VWF: variants seen among roughly 807,000 people sequenced by gnomAD.
The protein encoded by VWF is Factor VIII related antigen.
Under a neutral mutation model 308.6 loss-of-function variants are expected in VWF, and 176 were observed. The observed-to-expected ratio is 0.57, with a 90% CI of 0.50 to 0.65. VWF has a LOEUF of 0.65. Ranked by LOEUF, VWF falls within the 30% of genes least tolerant of loss-of-function variation. The pLI is 0.00. For missense variants in VWF, 3,146 were observed against 3,648.2 expected (o/e 0.86, Z 3.55); for synonymous variants, 1,385 against 1,443.4 (o/e 0.96, Z 0.92).
chr12:6,046,859 C>A lies in VWF; in HGVS notation c.2187-42G>T, dbSNP rs1307499811. ...CATAGCCGAGCTTCACGAGACTCGT[C>A]TATACTCGCTGCCTCCACATCTTCA... is the stretch of plus-strand genomic sequence containing the variant. On this transcript the variant is annotated intron_variant, in intron 16 of 51. Transcript: ENST00000261405. The surrounding 1 kb of genome is among the most constrained non-coding windows in gnomAD (Gnocchi z 5.0). The A allele has an allele frequency of 1.9e-6, 3 of 1,576,694 alleles. No homozygotes were observed. The highest frequency in any genetic ancestry group is 1.7e-5 in the Admixed American group (1 of 59,336).
rs1234864384 is a variant in VWF at position 5,983,142 on chromosome 12, G to T, written c.7081+8C>A. The T allele has an allele frequency of 6.2e-7, 1 of 1,612,876 alleles. No homozygotes were observed. The highest frequency in any genetic ancestry group is 1.7e-5 in the Admixed American group (1 of 59,896). ...CACACCACCCCTCCTCATCCACAGA[G>T]GCCTTACCGCAGGTGAAGTTGGGTC... On this transcript the variant is annotated splice_region_variant and intron_variant, in intron 41 of 51. Transcript: ENST00000261405.
At chr12:6,053,606 G>A (rs1944543758) in intron 15 of VWF, among the ~76,000 whole-genome samples, 1 of 152,156 alleles carries the variant, frequency 6.6e-6, no homozygotes, top group African/African-American at 2.4e-5. Flanking sequence ...GTAGCAAAGT[G>A]GCAACGCAGC....
intron 47 of VWF, among the ~76,000 whole-genome samples, chr12:5,964,250 G>GCATACATACATACATGCATA (rs1943365318): frequency 8.2e-6 from 1 of 122,350 alleles, no homozygotes; most frequent in African/African-American, 3.7e-5. Flanking sequence ...ATACATACAT[G>GCATACATACATACATGCATA]CATACATACA....
chr12:6,122,532 T>C (rs1183875750), intron 2 of VWF, among the ~76,000 whole-genome samples: 1 of 152,050 alleles, frequency 6.6e-6, no homozygotes, highest in Admixed American at 6.6e-5. Context: ...GTGTGACAAA[T>C]GTGTATTTTT....
At chr12:5,986,263 C>T (rs1027867270) in intron 38 of VWF, among the ~76,000 whole-genome samples, 6 of 152,120 alleles carry the variant, frequency 3.9e-5, no homozygotes, top group Non-Finnish European at 5.9e-5. Context: ...GGCTGCATTC[C>T]GCTGTGCCTC....
intron 6 of VWF, among the ~76,000 whole-genome samples, chr12:6,081,676 T>G (rs1297014674): frequency 6.6e-6 from 1 of 152,160 alleles, no homozygotes; most frequent in African/African-American, 2.4e-5. Context: ...AGGGATCGCC[T>G]AGGACTCCCA....
In VWF at chr12:5,996,052, T is replaced by G. The variant is rs758292026; in HGVS notation, c.6013A>C (p.Ile2005Leu). Residue 2005 changes from isoleucine (I) to leucine (L), a missense_variant, in exon 35 of 52, where the codon ATC becomes CTC. By Grantham distance (5) the Ile-to-Leu change is conservative. Coordinates refer to ENST00000261405, the MANE Select transcript of VWF (RefSeq NM_000552.5). ...PGARQGCMKS[I>L]EVKHSALSVE... ...GAGAGGGCACTGTGCTTCACCTCGATGGATTTCATGCAGCCCTGCCTTGCT... is the reference window on the plus strand; with the variant it reads ...GAGAGGGCACTGTGCTTCACCTCGAGGGATTTCATGCAGCCCTGCCTTGCT... 6.2e-7 allele frequency: 1 copy of G among 1,613,734 alleles called. No individual in the cohort carries two copies. Among genetic ancestry groups the G allele is most frequent in the Non-Finnish European group, 8.5e-7 (1 of 1,180,024 alleles).
At chr12:6,111,047 C>T (rs1204763947) in intron 3 of VWF, 79 bp from the exon 4 acceptor site, 17 of 1,343,136 alleles carry the variant, frequency 1.3e-5, no homozygotes, top group Admixed American at 8.6e-5. Flanking sequence ...TCATTATCTA[C>T]GTAACCTTTT....
chr12:6,103,470 A>ATGTGTGTGTATATACACATATG (rs141379577), intron 5 of VWF, among the ~76,000 whole-genome samples: 2 of 122,868 alleles, frequency 1.6e-5, no homozygotes, highest in African/African-American at 4.7e-5. Flanking sequence ...ATATACACAT[A>ATGTGTGTGTATATACACATATG]TGTGTGTATA....
In VWF at chr12:5,969,362, G is replaced by T. The variant is rs779932835; in HGVS notation, c.7578C>A (p.Asn2526Lys). 2 of 1,614,118 alleles carry T rather than the reference G, an allele frequency of 1.2e-6. No individual in the cohort carries two copies. The highest frequency in any genetic ancestry group is 1.3e-5 in the African/African-American group (1 of 74,950). The change falls in exon 45 of 52, where the codon AAC becomes AAA. Residue 2526 changes from asparagine to lysine, a missense_variant. Physicochemically the swap from Asn to Lys is moderately conservative, Grantham distance 94. Around this residue, in one of 3 missense-constraint regions of VWF, gnomAD observed 989 missense variants for 1,117.4 expected, o/e 0.89. Transcript: ENST00000261405. ...GGACACACTCATTGATGAGGCAGGG[G>T]TTCTCCGGGGAGGCCCACTGGGAGC... ...SVGSQWASPE[N>K]PCLINECVRV...
chr12:5,997,075 T>G (rs1478577360), intron 34 of VWF, among the ~76,000 whole-genome samples: 1 of 151,984 alleles, frequency 6.6e-6, no homozygotes, highest in African/African-American at 2.4e-5. Context: ...CCCACTAACA[T>G]CCCTCACTCA....
chr12:6,032,567 G>C (rs1944279463), intron 20 of VWF, among the ~76,000 whole-genome samples: 1 of 151,672 alleles, frequency 6.6e-6, no homozygotes, highest in Non-Finnish European at 1.5e-5. Context: ...GAATCGAGGA[G>C]GCGGAGCTTG....
At chr12:6,034,635 C>G in intron 20 of VWF, 53 bp downstream of exon 20, 1 of 1,612,458 alleles carries the variant, frequency 6.2e-7, no homozygotes, top group Non-Finnish European at 8.5e-7. Context: ...GGCCACACCT[C>G]CCACCCCTCC....
chr12:6,011,808 C>T lies in VWF; in HGVS notation c.5665-14G>A, dbSNP rs1416184222. On this transcript the variant is annotated splice_polypyrimidine_tract_variant and intron_variant, in intron 33 of 51. Coordinates refer to ENST00000261405, the MANE Select transcript of VWF (RefSeq NM_000552.5). Reference sequence around the variant, plus strand: ...GACGTCCCCGGGCTGCAGAAGAAAACAGCAGATTCAGGCAGGGAATAAGAT... The same window carrying T: ...GACGTCCCCGGGCTGCAGAAGAAAATAGCAGATTCAGGCAGGGAATAAGAT... 1 of 1,589,326 alleles carries T rather than the reference C, an allele frequency of 6.3e-7. No individual in the cohort carries two copies. Among genetic ancestry groups the T allele is most frequent in the Non-Finnish European group, 8.6e-7 (1 of 1,158,736 alleles).
intron 34 of VWF, among the ~76,000 whole-genome samples, chr12:6,001,306 A>C (rs1361288724): frequency 6.6e-6 from 1 of 152,172 alleles, no homozygotes; most frequent in African/African-American, 2.4e-5. Context: ...GATGGCAATA[A>C]ATGAGAATGG....
intron 4 of VWF, 124 bp downstream of exon 4, chr12:6,110,742 C>A: frequency 7.6e-7 from 1 of 1,312,492 alleles, no homozygotes; most frequent in Non-Finnish European, 1.1e-6. Flanking sequence ...TCACCCAGCC[C>A]TGCTACTCAC....
In VWF at chr12:6,065,128, A is replaced by G; in HGVS notation, c.1293+9T>C. ...CCACCCGACCAGCAGCCGGGCTGGCAAAGCTCACCTGGACAGTCTCAATGA... is the reference window on the plus strand; with the variant it reads ...CCACCCGACCAGCAGCCGGGCTGGCGAAGCTCACCTGGACAGTCTCAATGA... On this transcript the variant is annotated intron_variant, in intron 11 of 51. Coordinates refer to ENST00000261405, the MANE Select transcript of VWF (RefSeq NM_000552.5). 6.2e-7 allele frequency: 1 copy of G among 1,614,184 alleles called. No individual in the cohort carries two copies. Among genetic ancestry groups the G allele is most frequent in the Non-Finnish European group, 8.5e-7 (1 of 1,180,042 alleles).
intron 38 of VWF, among the ~76,000 whole-genome samples, chr12:5,991,009 G>C (rs1260991944): frequency 1.3e-5 from 2 of 150,598 alleles, no homozygotes; most frequent in Non-Finnish European, 2.9e-5. Context: ...GAGTCACATA[G>C]AGCTTCAAAT....
chr12:6,018,495 C>T lies in VWF; in HGVS notation c.4923G>A (p.Arg1641=), dbSNP rs140001946. Residue 1641 remains arginine (R), a synonymous_variant, in exon 28 of 52, where the codon AGG becomes AGA. Transcript: ENST00000261405. The part of the protein sequence containing the change: ...GPNANVQELE[R]IGWPNAPILI... ...GGATAGGGGCATTGGGCCAGCCAAT[C>T]CTCTCCAGCTCCTGCACGTTGGCAT... The T allele has an allele frequency of 2.4e-4, 380 of 1,613,834 alleles. 1 individual carries two copies. In the African/African-American group the frequency reaches 3.9e-3, roughly 17 times the overall value.
Sources: allele counts gnomAD v4.1 joint callset (sites outside exome capture counted in the v4.1 genomes callset), GRCh38; gene constraint gnomAD v4.1.1; regional missense constraint gnomAD v4.1.1; non-coding constraint Gnocchi (gnomAD v3.1); transcripts MANE v1.5; gene names NCBI Gene and HGNC (gene_info 2026-07-23, HGNC 2026-07-21).